Variants in HECW1 observed in about 807,000 individuals in gnomAD.
HECW1 encodes E3 ubiquitin-protein ligase HECW1.
In HECW1, 61 loss-of-function variants were observed where a neutral mutation model predicts 182.3. The observed-to-expected ratio is 0.33, with a 90% CI of 0.27 to 0.41. The LOEUF (loss-of-function observed/expected upper bound fraction) is 0.41. HECW1 is among the 10% of genes least tolerant of loss of function. HECW1 has a pLI of 1.00. For missense variants in HECW1, 1,739 were observed against 2,108.9 expected (o/e 0.82, Z 3.44); for synonymous variants, 859 against 832.6 (o/e 1.03, Z -0.55).
At position 43,463,714 on chromosome 7, in the gene HECW1, C is replaced by T. The variant is rs760749427; in HGVS notation, c.2706C>T (p.Gly902=). 1.2e-6 allele frequency: 2 copies of T among 1,613,886 alleles called. No homozygotes were observed. The highest frequency in any genetic ancestry group is 1.7e-6 in the Non-Finnish European group (2 of 1,179,994). Residue 902 remains glycine, a synonymous_variant, in exon 14 of 30, where the codon GGC becomes GGT. Coordinates refer to ENST00000395891, the MANE Select transcript of HECW1 (RefSeq NM_015052.5). ...IATERSEEDS[G]SQSCEQAPAG... ...CAGAGAGGTCCGAAGAAGATTCTGG[C>T]AGCCAAAGCTGCGAGCAAGCCCCAG...
At chr7:43,117,771 G>T (rs964956753) in intron 2 of HECW1, 1 of 152,128 alleles carries the variant, frequency 6.6e-6, no homozygotes, top group South Asian at 2.1e-4. Flanking sequence ...TGTGACATGG[G>T]CACTGAAAGG....
rs1157361208 is a variant in HECW1 at position 43,562,845 on chromosome 7, A to G, written c.*919A>G. Reference sequence around the variant, plus strand: ...AGAAGGACATATTACCTTGGTTTGAATCCCTGAGTTCTGTACTGTTCTGTT... The same window carrying G: ...AGAAGGACATATTACCTTGGTTTGAGTCCCTGAGTTCTGTACTGTTCTGTT... On this transcript the variant is annotated 3_prime_UTR_variant, in exon 30 of 30. Coordinates refer to ENST00000395891, the MANE Select transcript of HECW1 (RefSeq NM_015052.5). The G allele has an allele frequency of 1.8e-5, 4 of 217,768 alleles. No individual in the cohort carries two copies. Among genetic ancestry groups the G allele is most frequent in the African/African-American group, 4.5e-5 (2 of 44,416 alleles). The allele number at this position is 217,768 out of a possible 1,614,324, so 13.5% of individuals were successfully genotyped here. A position where few individuals can be genotyped will look rare whatever the true frequency, so the allele number is the denominator to read the frequency against.
chr7:43,515,444 A>C (rs1361988358), intron 24 of HECW1, among the ~76,000 whole-genome samples: 1 of 152,222 alleles, frequency 6.6e-6, no homozygotes, highest in Non-Finnish European at 1.5e-5. Context: ...AAGAGATATT[A>C]AAGAATCAAA....
chr7:43,332,323 C>T (rs1020687864), intron 5 of HECW1, among the ~76,000 whole-genome samples: 119 of 152,210 alleles, frequency 7.8e-4, no homozygotes, highest in Non-Finnish European at 1.2e-4. Context: ...GCTGCTGAGA[C>T]CCTCTAAAGA....
intron 8 of HECW1, among the ~76,000 whole-genome samples, chr7:43,421,381 G>C (rs1344977848): frequency 6.6e-6 from 1 of 151,964 alleles, no homozygotes; most frequent in Non-Finnish European, 1.5e-5. Flanking sequence ...CCTTGTGGAA[G>C]CCAAAAAAAT....
intron 3 of HECW1, among the ~76,000 whole-genome samples, chr7:43,308,203 ATTTTTATATATTATG>A (rs1562813394): frequency 2.7e-4 from 27 of 100,626 alleles, no homozygotes; most frequent in South Asian, 1.1e-3. Flanking sequence ...ATTTATATAT[ATTTTTATATATTATG>A]ATATATTTTT....
At chr7:43,377,585 G>A (rs1394257700) in intron 6 of HECW1, among the ~76,000 whole-genome samples, 1 of 152,094 alleles carries the variant, frequency 6.6e-6, no homozygotes, top group Non-Finnish European at 1.5e-5. Flanking sequence ...GCTGTTTCCT[G>A]AAAGAGTCCA....
At chr7:43,516,322 T>C (rs1472560170) in intron 24 of HECW1, among the ~76,000 whole-genome samples, 2 of 152,174 alleles carry the variant, frequency 1.3e-5, no homozygotes, top group African/African-American at 4.8e-5. Flanking sequence ...AGTGGAAGGA[T>C]GGATGGACGG....
chr7:43,451,017 T>A, intron 12 of HECW1, 88 bp downstream of exon 12: 2 of 907,392 alleles, frequency 2.2e-6, no homozygotes, highest in South Asian at 1.4e-5. Flanking sequence ...ACATCTAAAG[T>A]CTTTCCCGAC....
chr7:43,425,831 G>A (rs1055869350), intron 8 of HECW1, among the ~76,000 whole-genome samples: 14 of 152,156 alleles, frequency 9.2e-5, no homozygotes, highest in African/African-American at 2.9e-4. Flanking sequence ...CCTCTCAAAG[G>A]CCCCACCTCT....
chr7:43,435,190 T>G (rs1043297438), intron 8 of HECW1, among the ~76,000 whole-genome samples: 9 of 151,668 alleles, frequency 5.9e-5, no homozygotes, highest in African/African-American at 2.2e-4. Context: ...AACTATTATA[T>G]GTGCATATCA....
chr7:43,117,396 A>C (rs1785144408), intron 2 of HECW1, among the ~76,000 whole-genome samples: 1 of 151,868 alleles, frequency 6.6e-6, no homozygotes. Context: ...CACATACATA[A>C]GCCATATGCC....
At chr7:43,333,729 C>T (rs1408608345) in intron 5 of HECW1, among the ~76,000 whole-genome samples, 3 of 152,158 alleles carry the variant, frequency 2.0e-5, no homozygotes, top group Admixed American at 6.5e-5. Flanking sequence ...GAGCCCAAAA[C>T]GTTGGGTTTC....
chr7:43,479,542 ATAT>A, intron 16 of HECW1, 65 bp from the exon 17 acceptor site: 64 of 1,591,726 alleles, frequency 4.0e-5, no homozygotes, highest in Non-Finnish European at 5.4e-5. Context: ...GCACTCCTGT[ATAT>A]TACTGACTCC....
rs118051924 is a variant in HECW1 at position 43,498,201 on chromosome 7, A to T, written c.3438-2498A>T. On this transcript the variant is annotated intron_variant, in intron 19 of 29. Transcript: ENST00000395891. ...TGGAGAGCCACCAAAACTCTCAGAA[A>T]ATCGGGCTTAGCATTCAGACACCTG... Among the ~76,000 whole-genome samples, 324 of 152,282 alleles carry T rather than the reference A, an allele frequency of 2.1e-3. 1 individual carries two copies. Among genetic ancestry groups the T allele is most frequent in the Non-Finnish European group, 3.3e-3 (226 of 68,026 alleles).
chr7:43,187,913 G>C (rs1000058465), intron 2 of HECW1, among the ~76,000 whole-genome samples: 2 of 152,156 alleles, frequency 1.3e-5, no homozygotes, highest in Non-Finnish European at 2.9e-5. Flanking sequence ...TTTCACATGT[G>C]CAACCATCTG....
chr7:43,154,353 A>G (rs2158322), intron 2 of HECW1, among the ~76,000 whole-genome samples: 129,646 of 152,194 alleles, frequency 0.85, 55,751 homozygotes, highest in East Asian at 0.98. Flanking sequence ...TTTCCTTACT[A>G]GTTAAATATC....
At chr7:43,299,109 T>A (rs1806407263) in intron 3 of HECW1, among the ~76,000 whole-genome samples, 1 of 152,202 alleles carries the variant, frequency 6.6e-6, no homozygotes, top group Admixed American at 6.5e-5. Context: ...AGGCCAGAGA[T>A]GTCTAAGCAT....
chr7:43,371,822 A>T (rs369842245), intron 6 of HECW1, among the ~76,000 whole-genome samples: 15 of 152,056 alleles, frequency 9.9e-5, no homozygotes, highest in African/African-American at 3.6e-4. Context: ...TTGATGGTGG[A>T]TTTTGTTTTG....
Sources: gnomAD v4.1 joint callset for allele counts (sites outside exome capture counted in the v4.1 genomes callset) on GRCh38, gnomAD v4.1.1 for gene constraint, MANE v1.5 for transcripts, NCBI Gene and HGNC (gene_info 2026-07-23, HGNC 2026-07-21) for gene names.